The following VWA5B1 variants were observed in gnomAD, a reference collection of about 807,000 sequenced individuals.
VWA5B1 encodes von Willebrand factor A domain-containing protein 5B1.
In VWA5B1, 115 loss-of-function variants were observed where a neutral mutation model predicts 118.2. The ratio of observed to expected loss-of-function variants is 0.97; its 90% CI spans 0.84 to 1.14. The LOEUF (loss-of-function observed/expected upper bound fraction) is 1.14, where lower values mean the gene tolerates loss of function less well. Among genes scored for constraint, VWA5B1 ranks in the 50% most tolerant of loss-of-function variants. The pLI is 0.00. For missense variants in VWA5B1, 1,596 were observed against 1,603.8 expected (o/e 1.00, Z 0.08); for synonymous variants, 682 against 658.4 (o/e 1.04, Z -0.55).
chr1:20,344,997 A>G (rs2089977120), intron 16 of VWA5B1, among the ~76,000 whole-genome samples: 1 of 152,104 alleles, frequency 6.6e-6, no homozygotes, highest in South Asian at 2.1e-4. Context: ...TGTGACCCTC[A>G]GCTCACCACT....
At chr1:20,299,611 C>T (rs1279888402) in intron 1 of VWA5B1, among the ~76,000 whole-genome samples, 1 of 152,170 alleles carries the variant, frequency 6.6e-6, no homozygotes, top group Non-Finnish European at 1.5e-5. Context: ...ACCATGCTGG[C>T]CAGGCTGGCC....
At chr1:20,352,422 G>A (rs184561453) in intron 21 of VWA5B1, among the ~76,000 whole-genome samples, 32 of 152,308 alleles carry the variant, frequency 2.1e-4, no homozygotes, top group Admixed American at 6.5e-4. Context: ...CCAGCATCAC[G>A]AAAATTCTTT....
In VWA5B1 at chr1:20,318,685, T is replaced by C. The variant is rs1404199569; in HGVS notation, c.805T>C (p.Phe269Leu). Residue 269 changes from phenylalanine (F) to leucine (L), a missense_variant, in exon 6 of 22, where the codon TTT (phenylalanine) becomes CTT (leucine). Coordinates refer to ENST00000289815, the MANE Select transcript of VWA5B1 (RefSeq NM_001039500.3). ...CATCACCTTGGCCAACAAGCACACCTTTGACCGGCCTGTGGAGATCCTCAT... is the reference window on the plus strand; with the variant it reads ...CATCACCTTGGCCAACAAGCACACCCTTGACCGGCCTGTGGAGATCCTCAT... ...IIITLANKHT[F>L]DRPVEILIHP... 1 of 1,538,900 alleles carries C rather than the reference T, an allele frequency of 6.5e-7. No homozygotes were observed. Among genetic ancestry groups the C allele is most frequent in the African/African-American group, 1.4e-5 (1 of 72,986 alleles).
At position 20,355,650 on chromosome 1, in the gene VWA5B1, T is replaced by C. The variant is rs2090215707; in HGVS notation, c.*1387T>C. ...CTTATCAAACCAACTCGTGGGGTCCTGCGGGCTCTGGCGCAAGCCCCGGCC... is the reference window on the plus strand; with the variant it reads ...CTTATCAAACCAACTCGTGGGGTCCCGCGGGCTCTGGCGCAAGCCCCGGCC... On this transcript the variant is annotated 3_prime_UTR_variant, in exon 22 of 22. Coordinates refer to ENST00000289815, the MANE Select transcript of VWA5B1 (RefSeq NM_001039500.3). 6.6e-6 allele frequency among the ~76,000 whole-genome samples: 1 copy of C among 152,222 alleles called. No homozygotes were observed. The highest frequency in any genetic ancestry group is 6.5e-5 in the Admixed American group (1 of 15,294).
intron 1 of VWA5B1, among the ~76,000 whole-genome samples, chr1:20,308,956 C>G (rs902522371): frequency 2.6e-5 from 4 of 152,212 alleles, no homozygotes; most frequent in Non-Finnish European, 4.4e-5. Flanking sequence ...ACCCCGCAGA[C>G]AGGAAAACCA....
At chr1:20,291,387 T>TCTCTCTCTCTCTCTGTCTCCTCTATTTC (rs57894456) in intron 1 of VWA5B1, among the ~76,000 whole-genome samples, 1 of 114,170 alleles carries the variant, frequency 8.8e-6, no homozygotes, top group East Asian at 2.8e-4. Context: ...CTCTCTCTCT[T>TCTCTCTCTCTCTCTGTCTCCTCTATTTC]TCTGTCTCCT....
At chr1:20,298,615 G>A (rs1213669146) in intron 1 of VWA5B1, among the ~76,000 whole-genome samples, 1 of 152,062 alleles carries the variant, frequency 6.6e-6, no homozygotes, top group Non-Finnish European at 1.5e-5. Flanking sequence ...CTACTTCTGT[G>A]CCCTTTTATA....
chr1:20,312,545 C>T (rs2088879521), intron 2 of VWA5B1, among the ~76,000 whole-genome samples: 1 of 152,190 alleles, frequency 6.6e-6, no homozygotes, highest in South Asian at 2.1e-4. Context: ...CTATATGAGG[C>T]CCACACAAGT....
At position 20,314,337 on chromosome 1, in the gene VWA5B1, A is replaced by G. The variant is rs201373463; in HGVS notation, c.308A>G (p.Asp103Gly). 6.5e-5 allele frequency: 101 copies of G among 1,551,852 alleles called. No homozygotes were observed. The African/African-American group carries it at 1.2e-3, about 19-fold the overall frequency. ...SPTVTGNILQ[D>G]GVSIAPHSCT... is the part of the protein sequence containing the mutation. ...TGGCACTTAGGGAACATTCTGCAAG[A>G]CGGGGTTTCCATAGCCCCTCATTCC... is the stretch of plus-strand genomic sequence containing the variant. The change falls in exon 4 of 22, where the codon GAC (aspartate) becomes GGC (glycine). Residue 103 changes from aspartate (D) to glycine (G), a missense_variant. Asp to Gly is a moderately conservative substitution (Grantham distance 94, BLOSUM62 -1). Transcript: ENST00000289815.
intron 5 of VWA5B1, 63 bp from the exon 6 acceptor site, chr1:20,318,526 AG>A: frequency 3.2e-6 from 5 of 1,543,640 alleles, no homozygotes; most frequent in Non-Finnish European, 4.4e-6. Context: ...GGTGTGCCCC[AG>A]CGAACTCCTC....
In VWA5B1 at chr1:20,354,139, A is replaced by G; in HGVS notation, c.3524A>G (p.Glu1175Gly). Residue 1175 changes from glutamate to glycine, a missense_variant, in exon 22 of 22, where the codon GAA (glutamate) becomes GGA (glycine). Coordinates refer to ENST00000289815, the MANE Select transcript of VWA5B1 (RefSeq NM_001039500.3). Reference sequence around the variant, plus strand: ...GCCAACTCATGGCTGGAGCAGCAGGAAGTACCCGAGGGCCGCACGCAGGGC... The same window carrying G: ...GCCAACTCATGGCTGGAGCAGCAGGGAGTACCCGAGGGCCGCACGCAGGGC... ...AKANSWLEQQ[E>G]VPEGRTQGTL... is the part of the protein sequence containing the mutation. 1 of 1,551,410 alleles carries G rather than the reference A, an allele frequency of 6.4e-7. No homozygotes were observed. Among genetic ancestry groups the G allele is most frequent in the Non-Finnish European group, 8.7e-7 (1 of 1,146,992 alleles).
chr1:20,330,437 C>G (rs910430354), intron 10 of VWA5B1, 55 bp downstream of exon 10: 1 of 1,540,128 alleles, frequency 6.5e-7, no homozygotes, highest in South Asian at 1.2e-5. Flanking sequence ...GGGGCTGGGG[C>G]GCCAGAGCCC....
chr1:20,296,062 C>T (rs1010140271), intron 1 of VWA5B1, among the ~76,000 whole-genome samples: 2 of 152,096 alleles, frequency 1.3e-5, no homozygotes, highest in Non-Finnish European at 2.9e-5. Flanking sequence ...AGAATTTTCC[C>T]ATGTTAGCCA....
Position 20,336,447 on chromosome 1 carries a change from A to G in VWA5B1, c.1903A>G (p.Asn635Asp). ...GAPFILGQAK[N>D]ARLASGDSTT... ...ACCCTTCATCCTAGGGCAGGCCAAA[A>G]ATGCCCGGCTAGCCAGCGGAGACTC... The change falls in exon 13 of 22, where the codon AAT becomes GAT. Residue 635 changes from asparagine to aspartate, a missense_variant. Asn to Asp is a conservative substitution (Grantham distance 23, BLOSUM62 1). Coordinates refer to ENST00000289815, the MANE Select transcript of VWA5B1 (RefSeq NM_001039500.3). The G allele has an allele frequency of 6.7e-7, 1 of 1,482,128 alleles. No homozygotes were observed. The highest frequency in any genetic ancestry group is 2.3e-5 in the Admixed American group (1 of 43,282). The allele number at this position is 1,482,128 out of a possible 1,614,324, so 91.8% of individuals were successfully genotyped here.
At chr1:20,350,686 C>G (rs2090110201) in intron 19 of VWA5B1, among the ~76,000 whole-genome samples, 171 bp from the exon 20 acceptor site, 1 of 152,210 alleles carries the variant, frequency 6.6e-6, no homozygotes, top group Non-Finnish European at 1.5e-5. Context: ...TCTCATCCCA[C>G]CCTACACCAA....
intron 1 of VWA5B1, among the ~76,000 whole-genome samples, chr1:20,292,700 G>C (rs950936143): frequency 6.6e-6 from 1 of 152,206 alleles, no homozygotes; most frequent in African/African-American, 2.4e-5. Context: ...TTGACCCAAA[G>C]GTTGCTGGGC....
chr1:20,337,291 C>A (rs956336648), intron 13 of VWA5B1, among the ~76,000 whole-genome samples: 1 of 152,038 alleles, frequency 6.6e-6, no homozygotes, highest in South Asian at 2.1e-4. Flanking sequence ...CCATGCCTGG[C>A]TAATTTTTGT....
chr1:20,321,322 T>C (rs557670459), intron 7 of VWA5B1, among the ~76,000 whole-genome samples: 1 of 152,204 alleles, frequency 6.6e-6, no homozygotes, highest in South Asian at 2.1e-4. Flanking sequence ...CGCGGTGGCT[T>C]ACCCCTGCAA....
At position 20,352,169 on chromosome 1, in the gene VWA5B1, T is replaced by A; in HGVS notation, c.3138T>A (p.Pro1046=). ...TSGNQSFDYI[P]LVSLQLASGA... ...GGAACCAGAGCTTCGACTACATACC[T>A]CTGGTGAGTGCCCTGACCCCAGGTG... The change falls in exon 21 of 22, where the codon CCT becomes CCA. Residue 1046 remains proline (P), a synonymous_variant. Transcript: ENST00000289815. 1.3e-6 allele frequency: 2 copies of A among 1,550,366 alleles called. No homozygotes were observed. The highest frequency in any genetic ancestry group is 1.7e-6 in the Non-Finnish European group (2 of 1,146,442).
Sources: allele counts gnomAD v4.1 joint callset (sites outside exome capture counted in the v4.1 genomes callset), GRCh38; gene constraint gnomAD v4.1.1; transcripts MANE v1.5; gene names NCBI Gene and HGNC (gene_info 2026-07-23, HGNC 2026-07-21).